The following AFF1 variants were observed in gnomAD, a reference collection of about 807,000 sequenced individuals.
The protein encoded by AFF1 is AF4/FMR2 family member 1.
A neutral mutation model predicts 121.7 loss-of-function variants in AFF1; 48 were observed. The observed-to-expected ratio is 0.39, with a 90% CI of 0.31 to 0.50. The LOEUF is 0.50. AFF1 is among the 20% of genes least tolerant of loss of function. AFF1 has a pLI of 0.76. For missense variants in AFF1, 1,523 were observed against 1,511.7 expected (o/e 1.01, Z -0.12); for synonymous variants, 613 against 563.0 (o/e 1.09, Z -1.26).
chr4:87,043,885 C>A (rs1047388439), intron 2 of AFF1, among the ~76,000 whole-genome samples: 1 of 151,954 alleles, frequency 6.6e-6, no homozygotes, highest in Non-Finnish European at 1.5e-5. Context: ...GTGGTGCGAT[C>A]TCAGCTCACT....
chr4:86,935,479 A>G, intron 1 of AFF1: 1 of 152,560 alleles, frequency 6.6e-6, no homozygotes. Flanking sequence ...GTAGAAAAAC[A>G]GGGGACGGGG....
intron 2 of AFF1, among the ~76,000 whole-genome samples, chr4:86,961,106 A>G (rs1023973455): frequency 6.6e-6 from 1 of 152,112 alleles, no homozygotes; most frequent in Non-Finnish European, 1.5e-5. Context: ...TTCCCCTTTG[A>G]TATCAGAATG....
rs1411878437 is a variant in AFF1 at position 87,095,045 on chromosome 4, AT to A, written c.1283+81del. ...TGTCTCATGTCAATGCATTGCTTAGATTTTTCTGCCTTTATGTAATGACATT... is the reference window on the plus strand; with the variant it reads ...TGTCTCATGTCAATGCATTGCTTAGATTTTCTGCCTTTATGTAATGACATT... On this transcript the variant is annotated intron_variant, in intron 8 of 20. Transcript: ENST00000395146. The A allele has an allele frequency of 7.3e-6, 10 of 1,368,662 alleles. No individual in the cohort carries two copies. In the East Asian group the frequency reaches 2.3e-4, roughly 32 times the overall value. The allele number at this position is 1,368,662 out of a possible 1,614,324, so 84.8% of individuals were successfully genotyped here. A position where few individuals can be genotyped will look rare whatever the true frequency, so the allele number is the denominator to read the frequency against.
At chr4:87,065,942 T>A (rs908348977) in intron 4 of AFF1, among the ~76,000 whole-genome samples, 13 of 152,222 alleles carry the variant, frequency 8.5e-5, no homozygotes, top group Admixed American at 6.5e-5. Flanking sequence ...TGATGATAAC[T>A]TTTAAATTTA....
intron 2 of AFF1, among the ~76,000 whole-genome samples, chr4:86,970,204 TG>T (rs927222419): frequency 6.6e-6 from 1 of 152,108 alleles, no homozygotes; most frequent in Non-Finnish European, 1.5e-5. Flanking sequence ...GATATTAAAG[TG>T]GGCCAGGCAT....
chr4:87,026,133 A>AG lies in AFF1; in HGVS notation c.39-20031dup, dbSNP rs1482319132. Among the ~76,000 whole-genome samples, 5 of 131,078 alleles carry AG rather than the reference A, an allele frequency of 3.8e-5. No homozygotes were observed. The East Asian group carries it at 1.1e-3, about 30-fold the overall frequency. The allele number at this position is 131,078 out of a possible 152,430, so 86.0% of individuals were successfully genotyped here. A position where few individuals can be genotyped will look rare whatever the true frequency, so the allele number is the denominator to read the frequency against. On this transcript the variant is annotated intron_variant, in intron 2 of 20. Transcript: ENST00000395146. ...GGCAGGAGAATTGCTTGAACCCGGGAGGTGGAGGTTGCAGTGAGCTGACAC... is the reference window on the plus strand; with the variant it reads ...GGCAGGAGAATTGCTTGAACCCGGGAGGGTGGAGGTTGCAGTGAGCTGACAC...
chr4:87,078,658 CG>C (rs1722898639), intron 4 of AFF1, among the ~76,000 whole-genome samples: 2 of 152,032 alleles, frequency 1.3e-5, no homozygotes, highest in South Asian at 2.1e-4. Context: ...GGCTCCAGAT[CG>C]GGGCAAGAAA....
At chr4:87,112,393 G>A (rs964727607) in intron 11 of AFF1, among the ~76,000 whole-genome samples, 2 of 152,300 alleles carry the variant, frequency 1.3e-5, no homozygotes, top group East Asian at 3.9e-4. Context: ...GAAGGAAGCC[G>A]TAAGGAAGAT....
At chr4:87,048,724 G>A (rs1376108131) in intron 4 of AFF1, among the ~76,000 whole-genome samples, 3 of 152,078 alleles carry the variant, frequency 2.0e-5, no homozygotes, top group Non-Finnish European at 2.9e-5. Flanking sequence ...GGGAGGTTGG[G>A]GTGCCGTCCT....
chr4:87,107,302 T>C (rs1031238873), intron 10 of AFF1, among the ~76,000 whole-genome samples: 8 of 152,270 alleles, frequency 5.3e-5, no homozygotes, highest in Non-Finnish European at 1.2e-4. Flanking sequence ...TTGCTTTAAT[T>C]AATACCATCT....
intron 2 of AFF1, among the ~76,000 whole-genome samples, chr4:86,950,691 C>T (rs1721243666): frequency 6.6e-6 from 1 of 152,132 alleles, no homozygotes; most frequent in African/African-American, 2.4e-5. Flanking sequence ...TCATTGTGGG[C>T]TGCTAAACTT....
chr4:86,995,706 G>A (rs1409215497), intron 2 of AFF1, among the ~76,000 whole-genome samples: 1 of 151,536 alleles, frequency 6.6e-6, no homozygotes, highest in Non-Finnish European at 1.5e-5. Context: ...CCAAAGTGCC[G>A]AGATTGCAGC....
intron 2 of AFF1, among the ~76,000 whole-genome samples, chr4:86,995,394 C>T (rs1366520965): frequency 6.7e-6 from 1 of 150,040 alleles, no homozygotes; most frequent in African/African-American, 2.5e-5. Flanking sequence ...GCCATCTCGG[C>T]TCACTGCAAC....
chr4:87,039,314 C>T (rs1293612545), intron 2 of AFF1, among the ~76,000 whole-genome samples: 2 of 152,190 alleles, frequency 1.3e-5, no homozygotes, highest in Non-Finnish European at 2.9e-5. Context: ...TTTGAAAAGT[C>T]AGTAAATGTG....
At chr4:86,948,808 GTTAA>G (rs1721054146) in intron 2 of AFF1, among the ~76,000 whole-genome samples, 1 of 152,168 alleles carries the variant, frequency 6.6e-6, no homozygotes, top group Admixed American at 6.5e-5. Flanking sequence ...AAATGTGGAT[GTTAA>G]TTTAAATGAT....
In AFF1 at chr4:87,125,157, T is replaced by C. The variant is rs1189126975; in HGVS notation, c.2573+14T>C. On this transcript the variant is annotated intron_variant, in intron 13 of 20. Coordinates refer to ENST00000395146, the MANE Select transcript of AFF1 (RefSeq NM_001166693.3). ...TTCTAAAACAAAGTGAGTATAGAGA[T>C]TAGCAACCACCTAATCTACGGTGAT... The C allele has an allele frequency of 6.3e-7, 1 of 1,592,426 alleles. No individual in the cohort carries two copies. The highest frequency in any genetic ancestry group is 1.1e-5 in the South Asian group (1 of 88,436).
intron 4 of AFF1, among the ~76,000 whole-genome samples, chr4:87,056,371 T>C (rs1720140040): frequency 1.3e-5 from 2 of 152,206 alleles, no homozygotes; most frequent in African/African-American, 4.8e-5. Context: ...TGTATATTTC[T>C]TCGAGGTATT....
At chr4:86,989,835 A>C (rs1199552602) in intron 2 of AFF1, among the ~76,000 whole-genome samples, 1 of 152,246 alleles carries the variant, frequency 6.6e-6, no homozygotes, top group East Asian at 1.9e-4. Context: ...ACCATGGAAT[A>C]CTATGCAGAC....
rs554823039 is a variant in AFF1, at chr4:86,986,016, C to CT, written c.38+37452dup. Among the ~76,000 whole-genome samples the CT allele has an allele frequency of 3.5e-3, 517 of 146,122 alleles. 4 individuals carry two copies. Among genetic ancestry groups the CT allele is most frequent in the African/African-American group, 0.012 (489 of 39,436 alleles). ...AAGTGACTAATTAAACACCTGAATC[C>CT]TTTTTTTAAAATTTAATTCAATTCA... On this transcript the variant is annotated intron_variant, in intron 2 of 20. Coordinates refer to ENST00000395146, the MANE Select transcript of AFF1 (RefSeq NM_001166693.3).
Sources: allele counts gnomAD v4.1 joint callset (sites outside exome capture counted in the v4.1 genomes callset), GRCh38; gene constraint gnomAD v4.1.1; transcripts MANE v1.5; gene names NCBI Gene and HGNC (gene_info 2026-07-23, HGNC 2026-07-21).